Variants in MMP27 observed in about 807,000 individuals in gnomAD.
The protein encoded by MMP27 is matrix metallopeptidase 27.
In MMP27, 51 loss-of-function variants were observed where a neutral mutation model predicts 48.1. That is an observed-to-expected ratio of 1.06 (90% CI 0.85 to 1.34). The LOEUF is 1.34. Ranked by LOEUF, MMP27 falls within the 40% of genes most tolerant of loss-of-function variation. The pLI, the probability that MMP27 is intolerant of heterozygous loss-of-function variation, is 0.00. For synonymous variants in MMP27, 229 were observed against 208.9 expected (o/e 1.10, Z -0.83); for missense variants, 698 against 619.3 (o/e 1.13, Z -1.35).
chr11:102,698,593 C>A (rs2701988), intron 4 of MMP27, among the ~76,000 whole-genome samples: 11,360 of 152,194 alleles, frequency 0.075, 482 homozygotes, highest in Non-Finnish European at 0.084. Context: ...GTCCAAACAC[C>A]TTCACATGAC....
intron 2 of MMP27, among the ~76,000 whole-genome samples, chr11:102,704,321 G>A (rs1353791612): frequency 1.3e-5 from 2 of 152,164 alleles, no homozygotes; most frequent in Non-Finnish European, 2.9e-5. Context: ...CCTCAGCCAC[G>A]GTAAATAAAC....
chr11:102,701,378 G>C (rs1015747660), intron 4 of MMP27, among the ~76,000 whole-genome samples: 1 of 152,194 alleles, frequency 6.6e-6, no homozygotes, highest in Non-Finnish European at 1.5e-5. Flanking sequence ...CTGCTACTTA[G>C]CATTGGATTT....
chr11:102,698,519 A>C (rs1407355982), intron 4 of MMP27, among the ~76,000 whole-genome samples: 1 of 152,078 alleles, frequency 6.6e-6, no homozygotes, highest in South Asian at 2.1e-4. Flanking sequence ...GCTAGACTAC[A>C]GTATATGTGA....
At chr11:102,695,215 A>G in intron 6 of MMP27, 118 bp from the exon 7 acceptor site, 1 of 1,140,862 alleles carries the variant, frequency 8.8e-7, no homozygotes. Context: ...TAATTGAGAT[A>G]ATTAGCATAA....
rs753134652 is a variant in MMP27 at position 102,694,033 on chromosome 11, C to G, written c.1066G>C (p.Val356Leu). The G allele has an allele frequency of 3.1e-6, 5 of 1,602,464 alleles. No individual in the cohort carries two copies. Among genetic ancestry groups the G allele is most frequent in the South Asian group, 1.1e-5 (1 of 88,692 alleles). Reference sequence around the variant, plus strand: ...ATGGATTTGGGATAATCTGGCAAGACAGCATATCCTCTGATCATCCAGAAG... The same window carrying G: ...ATGGATTTGGGATAATCTGGCAAGAGAGCATATCCTCTGATCATCCAGAAG... ...ENFWMIRGYA[V>L]LPDYPKSIHT... Residue 356 changes from valine (V) to leucine (L), a missense_variant, in exon 8 of 10, where the codon GTC becomes CTC. Coordinates refer to ENST00000260229, the MANE Select transcript of MMP27 (RefSeq NM_022122.3).
At chr11:102,694,813 T>C (rs564840775) in intron 7 of MMP27, among the ~76,000 whole-genome samples, 154 bp downstream of exon 7, 1 of 152,322 alleles carries the variant, frequency 6.6e-6, no homozygotes, top group South Asian at 2.1e-4. Flanking sequence ...CAGAGAATCC[T>C]GGTTATTTAT....
intron 8 of MMP27, 28 bp from the exon 9 acceptor site, chr11:102,693,069 A>G (rs775148735): frequency 1.9e-6 from 3 of 1,581,958 alleles, no homozygotes; most frequent in Non-Finnish European, 2.6e-6. Flanking sequence ...AAAGGATACC[A>G]GCGGATCTTT....
In MMP27 at chr11:102,693,912, C is replaced by A; in HGVS notation, c.1187G>T (p.Cys396Phe). 6.3e-7 allele frequency: 1 copy of A among 1,595,168 alleles called. No homozygotes were observed. Among genetic ancestry groups the A allele is most frequent in the South Asian group, 1.2e-5 (1 of 86,814 alleles). Residue 396 changes from cysteine to phenylalanine, a missense_variant, in exon 8 of 10, where the codon TGC becomes TTC. By Grantham distance (205) the Cys-to-Phe change is radical. Coordinates refer to ENST00000260229, the MANE Select transcript of MMP27 (RefSeq NM_022122.3). ...CAATTGTCTGTAAACTTACCTCCAG[C>A]ACCAAATGCCCACAAAGAAGTAGGT... Reference protein sequence around the residue: ...RKTYFFVGIWCWRFDEMTQTM... With the variant: ...RKTYFFVGIWFWRFDEMTQTM...
chr11:102,700,208 C>T (rs1191936405), intron 4 of MMP27, among the ~76,000 whole-genome samples: 1 of 152,138 alleles, frequency 6.6e-6, no homozygotes, highest in Admixed American at 6.6e-5. Flanking sequence ...CTTTATTTAC[C>T]AATGATTTGT....
intron 9 of MMP27, among the ~76,000 whole-genome samples, chr11:102,692,570 AAATACTTTGTTTCACACAC>A (rs1860744979): frequency 6.6e-6 from 1 of 152,186 alleles, no homozygotes; most frequent in Non-Finnish European, 1.5e-5. Flanking sequence ...ATTCTGCCTC[AAATACTTTGTTTCACACAC>A]AAACCCCAAG....
At chr11:102,692,856 A>G in intron 9 of MMP27, 82 bp downstream of exon 9, 3 of 1,130,430 alleles carry the variant, frequency 2.7e-6, no homozygotes, top group Middle Eastern at 2.0e-4. Context: ...TTAAAATAAA[A>G]GCATTTAAGT....
Position 102,691,892 on chromosome 11 carries a change from TGAG to T in MMP27, c.1413_1415del (p.Ser472del), listed in dbSNP as rs1565424300. The stretch of plus-strand genomic sequence containing the variant: ...TTTCCTTGTTGATATCAAAACCAAA[TGAG>T]GAGTTCTTTGGTTCTTTGCATTGAA... On this transcript the variant is annotated inframe_deletion, in exon 10 of 10. Coordinates refer to ENST00000260229, the MANE Select transcript of MMP27 (RefSeq NM_022122.3). The T allele has an allele frequency of 2.5e-6, 4 of 1,613,618 alleles. No individual in the cohort carries two copies. The highest frequency in any genetic ancestry group is 2.5e-6 in the Non-Finnish European group (3 of 1,179,768).
chr11:102,697,039 T>C (rs1246605032), intron 4 of MMP27, among the ~76,000 whole-genome samples: 1 of 152,190 alleles, frequency 6.6e-6, no homozygotes, highest in African/African-American at 2.4e-5. Context: ...TTCTGAGAAA[T>C]GCATCATTGA....
rs774288569 is a variant in MMP27 at position 102,694,103 on chromosome 11, AG to A, written c.1034-39del. 51 of 1,434,488 alleles carry A rather than the reference AG, an allele frequency of 3.6e-5. No homozygotes were observed. The Middle Eastern group carries it at 2.8e-3, about 78-fold the overall frequency. The allele number at this position is 1,434,488 out of a possible 1,614,324, so 88.9% of individuals were successfully genotyped here. ...GAGTGATTATTTATTTTCTAGAGGG[AG>A]AAATAGGTATCTCAAGAAATTTAAA... On this transcript the variant is annotated intron_variant, in intron 7 of 9. Transcript: ENST00000260229.
chr11:102,700,695 T>A (rs994391891), intron 4 of MMP27, among the ~76,000 whole-genome samples: 5 of 152,382 alleles, frequency 3.3e-5, no homozygotes, highest in Non-Finnish European at 5.9e-5. Flanking sequence ...CAACACTGCA[T>A]CTGTAGCAGT....
chr11:102,695,137 T>G, intron 6 of MMP27, 40 bp from the exon 7 acceptor site: 1 of 1,591,820 alleles, frequency 6.3e-7, no homozygotes, highest in Non-Finnish European at 8.6e-7. Flanking sequence ...GCAGCCTATT[T>G]CCATGTCAAT....
intron 2 of MMP27, among the ~76,000 whole-genome samples, chr11:102,704,140 C>T (rs1354467234): frequency 6.6e-6 from 1 of 152,216 alleles, no homozygotes; most frequent in Non-Finnish European, 1.5e-5. Flanking sequence ...ACACACATGT[C>T]TCTGACATAA....
rs1591656324 is a variant in MMP27, at chr11:102,694,134, A to G, written c.1034-69T>C. ...AGGTATCTCAAGAAATTTAAAAATCATTAGATACCTAGTTCCTTTTAGCTT... is the reference window on the plus strand; with the variant it reads ...AGGTATCTCAAGAAATTTAAAAATCGTTAGATACCTAGTTCCTTTTAGCTT... On this transcript the variant is annotated intron_variant, in intron 7 of 9. Transcript: ENST00000260229. 6 of 1,181,070 alleles carry G rather than the reference A, an allele frequency of 5.1e-6. No homozygotes were observed. The East Asian group carries it at 1.3e-4, about 25-fold the overall frequency. 73.2% of individuals were successfully genotyped at this position (1,181,070 alleles called of 1,614,324 possible). A position where few individuals can be genotyped will look rare whatever the true frequency, so the allele number is the denominator to read the frequency against.
At chr11:102,704,835 A>G (rs1432162839) in intron 1 of MMP27, 60 bp from the exon 2 acceptor site, 3 of 1,181,856 alleles carry the variant, frequency 2.5e-6, no homozygotes, top group Admixed American at 4.7e-5. Flanking sequence ...GCAAATCTCC[A>G]TCTCAGGATA....
Sources: allele counts gnomAD v4.1 joint callset (sites outside exome capture counted in the v4.1 genomes callset), GRCh38; gene constraint gnomAD v4.1.1; transcripts MANE v1.5; gene names NCBI Gene and HGNC (gene_info 2026-07-23, HGNC 2026-07-21).